BBX: variants seen among roughly 807,000 people sequenced by gnomAD.
The protein encoded by BBX is BBX high mobility group box domain containing.
In BBX, 30 loss-of-function variants were observed where a neutral mutation model predicts 100.2. That is an observed-to-expected ratio of 0.30 (90% CI 0.22 to 0.41). BBX has a LOEUF of 0.41. BBX is among the 10% of genes least tolerant of loss of function. The pLI, the probability that BBX is intolerant of heterozygous loss-of-function variation, is 1.00. For synonymous variants in BBX, 376 were observed against 388.1 expected, an observed-to-expected ratio of 0.97 and a Z score of 0.37; for missense variants, 1,023 against 1,129.8, an observed-to-expected ratio of 0.91 and a Z score of 1.35.
intron 9 of BBX, among the ~76,000 whole-genome samples, chr3:107,749,838 T>G (rs2107640653): frequency 6.6e-6 from 1 of 152,274 alleles, no homozygotes; most frequent in African/African-American, 2.4e-5. Flanking sequence ...TTCGCCATGT[T>G]GGCCAGGCTG....
chr3:107,730,636 G>A (rs1004467321), intron 6 of BBX, among the ~76,000 whole-genome samples: 30 of 152,108 alleles, frequency 2.0e-4, no homozygotes, highest in Admixed American at 1.6e-3. Context: ...ATTGAAAGTC[G>A]AACCCACACT....
rs557240456 is a variant in BBX, at chr3:107,772,962, G to A, written c.1241G>A (p.Ser414Asn). 7.4e-6 allele frequency: 12 copies of A among 1,612,942 alleles called. No individual in the cohort carries two copies. The highest frequency in any genetic ancestry group is 1.0e-5 in the Non-Finnish European group (12 of 1,179,770). The part of the protein sequence containing the change: ...SHFPDFSYSA[S>N]SKIIISDVPS... ...TTTCCTGATTTTTCTTATTCTGCCA[G>A]TAGCAAGATAATAATTAGTGATGTT... Residue 414 changes from serine to asparagine, a missense_variant, in exon 11 of 18, where the codon AGT becomes AAT. By Grantham distance (46) the Ser-to-Asn change is conservative. Coordinates refer to ENST00000325805, the MANE Select transcript of BBX (RefSeq NM_001142568.3).
At chr3:107,615,747 C>G (rs1355066429) in intron 2 of BBX, among the ~76,000 whole-genome samples, 1 of 152,178 alleles carries the variant, frequency 6.6e-6, no homozygotes, top group African/African-American at 2.4e-5. Context: ...CTTGAAATGC[C>G]TCTCAGATAC....
chr3:107,743,918 G>GTTTTTTTTTTTTTTTTTTTTTTTTTTTAT (rs34762783), intron 7 of BBX, among the ~76,000 whole-genome samples: 2 of 56,622 alleles, frequency 3.5e-5, no homozygotes, highest in Non-Finnish European at 6.1e-5. Flanking sequence ...TGTTTTAGTG[G>GTTTTTTTTTTTTTTTTTTTTTTTTTTTAT]TTTTTTTTTT....
At chr3:107,717,459 T>G (rs1261062030) in intron 5 of BBX, among the ~76,000 whole-genome samples, 1 of 152,180 alleles carries the variant, frequency 6.6e-6, no homozygotes, top group Non-Finnish European at 1.5e-5. Flanking sequence ...CTAACATTTT[T>G]TGATTTTGTA....
At chr3:107,728,228 A>G (rs180735866) in intron 5 of BBX, among the ~76,000 whole-genome samples, 19 of 152,322 alleles carry the variant, frequency 1.2e-4, no homozygotes, top group African/African-American at 4.6e-4. Flanking sequence ...AGAGGAATTG[A>G]GGCTGAGAAA....
chr3:107,781,231 C>T (rs991079426), intron 13 of BBX, among the ~76,000 whole-genome samples: 3 of 151,982 alleles, frequency 2.0e-5, no homozygotes, highest in African/African-American at 7.2e-5. Context: ...TCTAAGGAGT[C>T]TCTTCCTGTC....
intron 17 of BBX, among the ~76,000 whole-genome samples, chr3:107,803,946 C>CTT (rs1423577942): frequency 2.6e-5 from 1 of 38,898 alleles, no homozygotes. Context: ...CACTTTTCAT[C>CTT]TTTTTTGTTT....
chr3:107,762,357 G>A (rs889054398), intron 10 of BBX, among the ~76,000 whole-genome samples: 4 of 152,228 alleles, frequency 2.6e-5, no homozygotes, highest in Admixed American at 2.0e-4. Context: ...CTACAGAACT[G>A]TTAAATATGC....
chr3:107,622,660 A>C (rs1461598757), intron 2 of BBX, among the ~76,000 whole-genome samples: 1 of 152,062 alleles, frequency 6.6e-6, no homozygotes, highest in Admixed American at 6.5e-5. Flanking sequence ...TTTAGAGTTG[A>C]TATCTGTTGC....
chr3:107,560,294 TC>T (rs1194870999), intron 2 of BBX, among the ~76,000 whole-genome samples: 1 of 152,124 alleles, frequency 6.6e-6, no homozygotes. Flanking sequence ...TGACCTTTTA[TC>T]CCGTCTTGTT....
At chr3:107,708,196 C>G (rs1206519023) in intron 3 of BBX, among the ~76,000 whole-genome samples, 2 of 152,100 alleles carry the variant, frequency 1.3e-5, no homozygotes, top group Non-Finnish European at 2.9e-5. Flanking sequence ...AAGAAATCTT[C>G]TCTTATTAAG....
At chr3:107,717,001 T>C in intron 5 of BBX, 152 bp downstream of exon 5, 2 of 1,030,992 alleles carry the variant, frequency 1.9e-6, no homozygotes, top group Non-Finnish European at 2.8e-6. Context: ...TTTCTTTGTA[T>C]GACTTGTTCC....
At chr3:107,711,263 G>A (rs940377524) in intron 4 of BBX, 5 of 465,984 alleles carry the variant, frequency 1.1e-5, no homozygotes, top group Non-Finnish European at 2.2e-5. Context: ...ATTTATGTCT[G>A]TCTTCTCTCA....
At chr3:107,554,889 A>T (rs373937811) in intron 2 of BBX, among the ~76,000 whole-genome samples, 6 of 152,106 alleles carry the variant, frequency 3.9e-5, no homozygotes, top group African/African-American at 1.4e-4. Flanking sequence ...ACCAACATGG[A>T]GAAACCCCAT....
chr3:107,604,438 C>A (rs917053197), intron 2 of BBX, among the ~76,000 whole-genome samples: 4 of 152,146 alleles, frequency 2.6e-5, no homozygotes, highest in Non-Finnish European at 4.4e-5. Context: ...TGGTCACTCC[C>A]CTTCCTGGAA....
At chr3:107,533,626 T>C (rs1459040284) in intron 2 of BBX, among the ~76,000 whole-genome samples, 2 of 152,230 alleles carry the variant, frequency 1.3e-5, no homozygotes, top group African/African-American at 2.4e-5. Context: ...CCTCTTATAT[T>C]CCATTTTGAC....
Position 107,807,551 on chromosome 3 carries a change from G to T in BBX, c.*2094G>T, listed in dbSNP as rs1458137285. The T allele has an allele frequency of 6.6e-6, 1 of 152,094 alleles. No individual in the cohort carries two copies. The highest frequency in any genetic ancestry group is 1.9e-4 in the East Asian group (1 of 5,196). 9.4% of individuals were successfully genotyped at this position (152,094 alleles called of 1,614,324 possible). ...AAACAAAAAACCAACAACAAAAATT[G>T]TATGGTGCGGAACATGCACCTTGAC... On this transcript the variant is annotated 3_prime_UTR_variant, in exon 18 of 18. Coordinates refer to ENST00000325805, the MANE Select transcript of BBX (RefSeq NM_001142568.3).
At chr3:107,741,242 G>A (rs1017083937) in intron 7 of BBX, among the ~76,000 whole-genome samples, 2 of 151,964 alleles carry the variant, frequency 1.3e-5, no homozygotes, top group Non-Finnish European at 2.9e-5. Flanking sequence ...CACAATGCAT[G>A]TAACTGGCTT....
Sources: allele counts gnomAD v4.1 joint callset (sites outside exome capture counted in the v4.1 genomes callset), GRCh38; gene constraint gnomAD v4.1.1; transcripts MANE v1.5; gene names NCBI Gene and HGNC (gene_info 2026-07-23, HGNC 2026-07-21).